ATP9A: variants seen among roughly 807,000 people sequenced by gnomAD.
ATP9A encodes the protein ATPase phospholipid transporting 9A, also known as probable phospholipid-transporting ATPase IIA.
A neutral mutation model predicts 144.1 loss-of-function variants in ATP9A; 52 were observed. The observed-to-expected ratio is 0.36, with a 90% CI of 0.29 to 0.45. The LOEUF (loss-of-function observed/expected upper bound fraction) is 0.45. Among genes scored for constraint, ATP9A ranks in the 20% least tolerant of loss-of-function variants. ATP9A has a pLI of 1.00. For missense variants in ATP9A, 947 were observed against 1,392.7 expected (o/e 0.68, Z 5.09); for synonymous variants, 582 against 557.4 (o/e 1.04, Z -0.62).
intron 18 of ATP9A, 106 bp from the exon 19 acceptor site, chr20:51,622,278 C>A: frequency 1.1e-6 from 1 of 879,146 alleles, no homozygotes; most frequent in South Asian, 1.5e-5. Context: ...TGGTATGTTC[C>A]GTTTACCTCC....
intron 4 of ATP9A, among the ~76,000 whole-genome samples, chr20:51,711,087 G>A (rs908909850): frequency 1.3e-5 from 2 of 152,052 alleles, no homozygotes; most frequent in African/African-American, 2.4e-5. Context: ...GACTACTCAC[G>A]CAGAAAGCCC....
chr20:51,611,882 T>C lies in ATP9A; in HGVS notation c.2572-1717A>G, dbSNP rs2077186164. On this transcript the variant is annotated intron_variant, in intron 23 of 27. Transcript: ENST00000338821. The surrounding 1 kb of genome is among the most constrained non-coding windows in gnomAD (Gnocchi z 4.2). ...CCCCTACTCACAATTGCAATAGATA[T>C]TTAAAACATAAAATCACCCCCAAAA... Among the ~76,000 whole-genome samples, 1 of 152,172 alleles carries C rather than the reference T, an allele frequency of 6.6e-6. No individual in the cohort carries two copies. The highest frequency in any genetic ancestry group is 2.4e-5 in the African/African-American group (1 of 41,444).
chr20:51,719,199 A>G (rs2077677370), intron 3 of ATP9A, among the ~76,000 whole-genome samples: 1 of 151,938 alleles, frequency 6.6e-6, no homozygotes, highest in African/African-American at 2.4e-5. Flanking sequence ...GGGCCAGGGA[A>G]GGGCCTCCTG....
intron 10 of ATP9A, 73 bp from the exon 11 acceptor site, chr20:51,674,386 G>C (rs1184607305): frequency 8.6e-6 from 13 of 1,518,734 alleles, no homozygotes; most frequent in Non-Finnish European, 1.1e-5. Context: ...CCAGGAGGTG[G>C]AGGCTGCAGT....
At chr20:51,745,392 G>A (rs1271860328) in intron 1 of ATP9A, among the ~76,000 whole-genome samples, 1 of 150,504 alleles carries the variant, frequency 6.6e-6, no homozygotes, top group African/African-American at 2.5e-5. Flanking sequence ...CCAATATTCT[G>A]CCACTGCACT....
chr20:51,657,000 C>A lies in ATP9A; in HGVS notation c.1444G>T (p.Ala482Ser). The A allele has an allele frequency of 6.2e-7, 1 of 1,614,220 alleles. No homozygotes were observed. Among genetic ancestry groups the A allele is most frequent in the African/African-American group, 1.3e-5 (1 of 75,066 alleles). The change falls in exon 14 of 28, where the codon GCT becomes TCT. Residue 482 changes from alanine (A) to serine (S), a missense_variant. Physicochemically the swap from Ala to Ser is moderately conservative, Grantham distance 99 (BLOSUM62 1). Coordinates refer to ENST00000338821, the MANE Select transcript of ATP9A (RefSeq NM_006045.3). Reference sequence around the variant, plus strand: ...TCTTCGTACTGCTTCTCGGCCTCAGCCTGATCAGTCACACCGTTGGACTCA... The same window carrying A: ...TCTTCGTACTGCTTCTCGGCCTCAGACTGATCAGTCACACCGTTGGACTCA... Reference protein sequence around the residue: ...VYESNGVTDQAEAEKQYEDSC... With the variant: ...VYESNGVTDQSEAEKQYEDSC...
At chr20:51,676,566 C>T (rs1217790924) in intron 9 of ATP9A, among the ~76,000 whole-genome samples, 1 of 151,434 alleles carries the variant, frequency 6.6e-6, no homozygotes, top group Admixed American at 6.6e-5. Flanking sequence ...GCAACCTCTA[C>T]CTCCTGGGTT....
rs775364791 is a variant in ATP9A at position 51,725,856 on chromosome 20, A to G, written c.290T>C (p.Met97Thr). ...GTAGGTATAGAGTGCACCAAGTCTC[A>G]TTTCGGGAACAAACTGAGAGCAGGC... ...LLACSQFVPE[M>T]RLGALYTYWV... The change falls in exon 3 of 28, where the codon ATG (methionine) becomes ACG (threonine). Residue 97 changes from methionine to threonine, a missense_variant. By Grantham distance (81) the Met-to-Thr change is moderately conservative (BLOSUM62 -1). Coordinates refer to ENST00000338821, the MANE Select transcript of ATP9A (RefSeq NM_006045.3). 5 of 1,613,558 alleles carry G rather than the reference A, an allele frequency of 3.1e-6. No homozygotes were observed. The highest frequency in any genetic ancestry group is 4.2e-6 in the Non-Finnish European group (5 of 1,179,430).
At chr20:51,625,648 T>C (rs1014740790) in intron 17 of ATP9A, among the ~76,000 whole-genome samples, 3 of 152,158 alleles carry the variant, frequency 2.0e-5, no homozygotes, top group African/African-American at 7.2e-5. Flanking sequence ...GAAATGGCAA[T>C]AACAGCACCA....
At chr20:51,720,860 C>T (rs1397818064) in intron 3 of ATP9A, among the ~76,000 whole-genome samples, 1 of 152,088 alleles carries the variant, frequency 6.6e-6, no homozygotes, top group Non-Finnish European at 1.5e-5. Context: ...AAAACCGTTT[C>T]CTGATGATCA....
At chr20:51,662,714 T>C (rs568945192) in intron 13 of ATP9A, among the ~76,000 whole-genome samples, 2 of 152,172 alleles carry the variant, frequency 1.3e-5, no homozygotes, top group East Asian at 1.9e-4. Flanking sequence ...GGAAGTTAAA[T>C]AGTGTTATTC....
chr20:51,696,107 G>A lies in ATP9A; in HGVS notation c.533C>T (p.Thr178Ile), dbSNP rs1444128345. The A allele has an allele frequency of 1.6e-5, 26 of 1,613,490 alleles. No homozygotes were observed. Among genetic ancestry groups the A allele is most frequent in the Non-Finnish European group, 2.2e-5 (26 of 1,179,632 alleles). ...CAGATGTTTACCGTTTTTTTCTGAT[G>A]TCCTCAGGAAGATCATGTCGGCAGG... is the stretch of plus-strand genomic sequence containing the variant. ...RVPADMIFLR[T>I]SEKNGSCFLR... Residue 178 changes from threonine (T) to isoleucine (I), a missense_variant, in exon 6 of 28, where the codon ACA becomes ATA. Physicochemically the swap from Thr to Ile is moderately conservative, Grantham distance 89. Transcript: ENST00000338821.
intron 1 of ATP9A, among the ~76,000 whole-genome samples, chr20:51,752,999 G>A (rs1435351817): frequency 6.6e-6 from 1 of 152,232 alleles, no homozygotes; most frequent in East Asian, 1.9e-4. Flanking sequence ...CTACTTGGGA[G>A]GCTGAGGCAG....
Position 51,670,296 on chromosome 20 carries a change from C to T in ATP9A, c.1181-187G>A, listed in dbSNP as rs115649046. On this transcript the variant is annotated intron_variant, in intron 12 of 27. Transcript: ENST00000338821. The stretch of plus-strand genomic sequence containing the variant: ...AATCCCATTCCCCTTTTGAAAATGG[C>T]TTCCTAGCTTTCCCAGGGGAAATTA... 7.7e-3 allele frequency among the ~76,000 whole-genome samples: 1,178 copies of T among 152,288 alleles called. 14 individuals carry two copies. The highest frequency in any genetic ancestry group is 0.027 in the African/African-American group (1,118 of 41,550).
chr20:51,719,745 AGGGGG>A, intron 3 of ATP9A, among the ~76,000 whole-genome samples: 2 of 137,518 alleles, frequency 1.5e-5, no homozygotes, highest in Admixed American at 1.5e-4. Context: ...AAAAAAAAAA[AGGGGG>A]GGGAAGAAGA....
chr20:51,709,699 C>T (rs1217047177), intron 4 of ATP9A, among the ~76,000 whole-genome samples: 1 of 152,178 alleles, frequency 6.6e-6, no homozygotes, highest in Non-Finnish European at 1.5e-5. Context: ...TGCACTCCAA[C>T]CCGGGTGACA....
chr20:51,622,046 C>G (rs2122724794), intron 19 of ATP9A, 28 bp downstream of exon 19: 1 of 1,599,182 alleles, frequency 6.3e-7, no homozygotes, highest in South Asian at 1.1e-5. Flanking sequence ...ATCATCCCCA[C>G]ATGGCCCTAA....
In ATP9A at chr20:51,627,655, C is replaced by T. The variant is rs1322218098; in HGVS notation, c.1790G>A (p.Arg597Gln). Residue 597 changes from arginine to glutamine, a missense_variant, in exon 17 of 28, where the codon CGG becomes CAG. Transcript: ENST00000338821. ...ECGNMAREGL[R>Q]VLVVAKKSLA... The stretch of plus-strand genomic sequence containing the variant: ...AGACTTCTTTGCCACCACGAGCACC[C>T]GCAGCCCTTCTCGGGCCATGTTGCC... The T allele has an allele frequency of 6.2e-6, 10 of 1,614,070 alleles. No individual in the cohort carries two copies. The highest frequency in any genetic ancestry group is 1.1e-5 in the South Asian group (1 of 91,090).
At chr20:51,731,955 C>A (rs938113690) in intron 1 of ATP9A, among the ~76,000 whole-genome samples, 1 of 152,048 alleles carries the variant, frequency 6.6e-6, no homozygotes, top group Non-Finnish European at 1.5e-5. Context: ...ATTAGAGGAG[C>A]AAGCCACAAA....
Sources: allele counts gnomAD v4.1 joint callset (sites outside exome capture counted in the v4.1 genomes callset), GRCh38; gene constraint gnomAD v4.1.1; non-coding constraint Gnocchi (gnomAD v3.1); transcripts MANE v1.5; gene names NCBI Gene and HGNC (gene_info 2026-07-23, HGNC 2026-07-21).